The following AIG1 variants were observed in gnomAD, a reference collection of about 807,000 sequenced individuals.
AIG1 encodes the protein androgen-induced gene 1 protein.
Under a neutral mutation model 31.4 loss-of-function variants are expected in AIG1, and 23 were observed. That is an observed-to-expected ratio of 0.73 (90% CI 0.53 to 1.04). The LOEUF (loss-of-function observed/expected upper bound fraction) is 1.04. AIG1 is among the 50% of genes least tolerant of loss of function. The pLI is 0.00. For synonymous variants in AIG1, 100 were observed against 110.5 expected (o/e 0.90, Z 0.60); for missense variants, 274 against 295.0 (o/e 0.93, Z 0.52).
chr6:143,289,846 T>A (rs1441410842), intron 4 of AIG1, among the ~76,000 whole-genome samples: 1 of 152,200 alleles, frequency 6.6e-6, no homozygotes, highest in Non-Finnish European at 1.5e-5. Flanking sequence ...GGAAAAAATG[T>A]GTACCCTCTT....
chr6:143,192,009 A>G (rs1789831375), intron 3 of AIG1, among the ~76,000 whole-genome samples: 1 of 152,228 alleles, frequency 6.6e-6, no homozygotes, highest in Admixed American at 6.5e-5. Context: ...ATGCATTTAC[A>G]ATGATAAACA....
chr6:143,301,351 A>T (rs1032770381), intron 4 of AIG1, among the ~76,000 whole-genome samples: 1 of 152,228 alleles, frequency 6.6e-6, no homozygotes, highest in African/African-American at 2.4e-5. Flanking sequence ...CACAAAGGCC[A>T]TCAGGTAGGT....
intron 3 of AIG1, among the ~76,000 whole-genome samples, chr6:143,209,481 G>A (rs1466109533): frequency 6.6e-6 from 1 of 152,146 alleles, no homozygotes; most frequent in Non-Finnish European, 1.5e-5. Flanking sequence ...GTGTAAAAGG[G>A]AGGCAGAAGA....
At chr6:143,163,895 C>T (rs1011925516) in intron 2 of AIG1, among the ~76,000 whole-genome samples, 1 of 152,068 alleles carries the variant, frequency 6.6e-6, no homozygotes, top group Non-Finnish European at 1.5e-5. Context: ...ATACACCCTC[C>T]TAATCCCTGT....
chr6:143,309,733 A>G (rs183074044), intron 4 of AIG1, among the ~76,000 whole-genome samples: 1 of 152,174 alleles, frequency 6.6e-6, no homozygotes. Context: ...CAAGACTAAA[A>G]TATTATACAT....
At chr6:143,071,007 A>G (rs1411662972) in intron 1 of AIG1, among the ~76,000 whole-genome samples, 1 of 152,228 alleles carries the variant, frequency 6.6e-6, no homozygotes, top group African/African-American at 2.4e-5. Flanking sequence ...CAACCAAGAT[A>G]TTGATATTAA....
intron 3 of AIG1, among the ~76,000 whole-genome samples, chr6:143,272,485 T>C (rs981469801): frequency 6.6e-6 from 1 of 152,188 alleles, no homozygotes; most frequent in African/African-American, 2.4e-5. Context: ...AGCTTTTAAA[T>C]GCACTGGCCT....
intron 1 of AIG1, among the ~76,000 whole-genome samples, chr6:143,091,693 T>C (rs1019549787): frequency 6.6e-6 from 1 of 152,180 alleles, no homozygotes; most frequent in African/African-American, 2.4e-5. Flanking sequence ...TAGAAATGGC[T>C]CTGCGAAACT....
intron 3 of AIG1, among the ~76,000 whole-genome samples, chr6:143,260,257 C>T (rs558404100): frequency 7.9e-5 from 12 of 152,016 alleles, no homozygotes; most frequent in Non-Finnish European, 1.8e-4. Context: ...GTGATCCGCC[C>T]GCGTCGGCCT....
chr6:143,176,629 G>T (rs1243391351), intron 3 of AIG1, among the ~76,000 whole-genome samples: 2 of 152,114 alleles, frequency 1.3e-5, no homozygotes, highest in Non-Finnish European at 2.9e-5. Flanking sequence ...GGAAGTGAGG[G>T]AAAGCCATCA....
At chr6:143,289,775 T>TA (rs1797931044) in intron 4 of AIG1, among the ~76,000 whole-genome samples, 1 of 152,188 alleles carries the variant, frequency 6.6e-6, no homozygotes, top group Non-Finnish European at 1.5e-5. Flanking sequence ...AACATAAAAA[T>TA]AAGAGTGTAC....
chr6:143,240,725 A>C (rs531942635), intron 3 of AIG1, among the ~76,000 whole-genome samples: 1 of 152,334 alleles, frequency 6.6e-6, no homozygotes, highest in Non-Finnish European at 1.5e-5. Flanking sequence ...AAATTACTAG[A>C]AAAATAAATT....
chr6:143,343,104 C>A, downstream of AIG1: 1 of 771,526 alleles, frequency 1.3e-6, no homozygotes, highest in Non-Finnish European at 2.4e-6. Flanking sequence ...TCGCAGCTGT[C>A]CGCACTAAGA....
At position 143,136,849 on chromosome 6, in the gene AIG1, C is replaced by CT; in HGVS notation, c.162dup (p.Gly55TrpfsTer7). 3.5e-6 allele frequency: 5 copies of CT among 1,438,702 alleles called. No homozygotes were observed. Among genetic ancestry groups the CT allele is most frequent in the East Asian group, 2.6e-5 (1 of 39,046 alleles). 89.1% of individuals were successfully genotyped at this position (1,438,702 alleles called of 1,614,324 possible). On this transcript the variant is annotated frameshift_variant, in exon 2 of 6. Transcript: ENST00000357847. LOFTEE classifies it high-confidence loss of function. ...TCCCCCTACAGGTTATCCAGGCTGT[C>CT]TTTTTTGGCATCTGTGTGCTGACTG...
chr6:143,066,631 A>G (rs1430607215), intron 1 of AIG1, among the ~76,000 whole-genome samples: 1 of 152,236 alleles, frequency 6.6e-6, no homozygotes, highest in East Asian at 1.9e-4. Flanking sequence ...ATATAACAAA[A>G]AAATGTAAGA....
rs57511897 is a variant in AIG1, at chr6:143,088,442, A to G, written c.141+27376A>G. 2.5e-3 allele frequency among the ~76,000 whole-genome samples: 376 copies of G among 152,322 alleles called. 2 individuals carry two copies. The highest frequency in any genetic ancestry group is 8.7e-3 in the African/African-American group (362 of 41,574). On this transcript the variant is annotated intron_variant, in intron 1 of 5. Coordinates refer to ENST00000357847, the MANE Select transcript of AIG1 (RefSeq NM_016108.4). ...CCCTGGCAGAGAAGAGAACTGGTGCACTCAAAGTGGGTAATTTGAATGAGT... is the reference window on the plus strand; with the variant it reads ...CCCTGGCAGAGAAGAGAACTGGTGCGCTCAAAGTGGGTAATTTGAATGAGT...
intron 1 of AIG1, among the ~76,000 whole-genome samples, chr6:143,066,821 C>T (rs1776754905): frequency 6.6e-6 from 1 of 152,076 alleles, no homozygotes; most frequent in Non-Finnish European, 1.5e-5. Flanking sequence ...GGGAAAAATA[C>T]AGTTCTTTCC....
At chr6:143,210,860 A>C (rs1791532099) in intron 3 of AIG1, among the ~76,000 whole-genome samples, 1 of 152,234 alleles carries the variant, frequency 6.6e-6, no homozygotes, top group Non-Finnish European at 1.5e-5. Flanking sequence ...CTTTTGACTA[A>C]AAATATTAAC....
rs746350692 is a variant in AIG1, at chr6:143,213,508, CTTTTTTTTTTTT to C, written c.399+48340_399+48351del. Among the ~76,000 whole-genome samples, 207 of 61,202 alleles carry C rather than the reference CTTTTTTTTTTTT, an allele frequency of 3.4e-3. 4 individuals are homozygous for C. The highest frequency in any genetic ancestry group is 0.012 in the Admixed American group (68 of 5,582). The allele number at this position is 61,202 out of a possible 152,430, so 40.2% of individuals were successfully genotyped here. ...GGAAAGTTCTTTCTTTTTCTTTCTT[CTTTTTTTTTTTT>C]TTTTTTTTTTTTTTGAGATGGAGTC... On this transcript the variant is annotated intron_variant, in intron 3 of 5. Transcript: ENST00000357847.
Sources: gnomAD v4.1 joint callset for allele counts (sites outside exome capture counted in the v4.1 genomes callset) on GRCh38, gnomAD v4.1.1 for gene constraint, MANE v1.5 for transcripts, NCBI Gene and HGNC (gene_info 2026-07-23, HGNC 2026-07-21) for gene names.